Variants in TRIM62 observed in about 807,000 individuals in gnomAD.
TRIM62 encodes the protein tripartite motif containing 62, also known as E3 ubiquitin-protein ligase TRIM62.
TRIM62 carries 39 observed loss-of-function variants against 44.2 expected under a neutral mutation model. That is an observed-to-expected ratio of 0.88 (90% confidence interval 0.68 to 1.15). The LOEUF (loss-of-function observed/expected upper bound fraction) is 1.15. Among genes scored for constraint, TRIM62 ranks in the 50% most tolerant of loss-of-function variants. The pLI is 0.00. For synonymous variants in TRIM62, 278 were observed against 292.3 expected, an observed-to-expected ratio of 0.95 and a Z score of 0.50; for missense variants, 544 against 665.5, an observed-to-expected ratio of 0.82 and a Z score of 2.01.
Position 33,177,571 on chromosome 1 carries a change from G to A in TRIM62, c.408+3454C>T, listed in dbSNP as rs145604988. On this transcript the variant is annotated intron_variant, in intron 1 of 4. Coordinates refer to ENST00000291416, the MANE Select transcript of TRIM62 (RefSeq NM_018207.3). This position sits in a 1 kb window ranked among gnomAD's most constrained non-coding sequence, Gnocchi z 4.1. ...ATTTGACCTGAAGTTTTAAAGTTCA[G>A]TGGGACTTTTCTAGGTCAGGTTTCT... 2.0e-5 allele frequency among the ~76,000 whole-genome samples: 3 copies of A among 152,322 alleles called. No individual in the cohort carries two copies. The highest frequency in any genetic ancestry group is 3.9e-4 in the East Asian group (2 of 5,182).
At chr1:33,149,454 C>CT (rs200172029) in intron 4 of TRIM62, among the ~76,000 whole-genome samples, 6 of 134,836 alleles carry the variant, frequency 4.4e-5, no homozygotes, top group South Asian at 2.6e-4. Context: ...GTGCTGGATT[C>CT]TTTTAAAAAA....
In TRIM62 at chr1:33,161,037, C is replaced by T. The variant is rs964475269; in HGVS notation, c.505-1093G>A. ...TCTAGCTCTGGGTCTCTAGCTATGG[C>T]AACGTCAGTTGCCTAAGAGCTGTGA... On this transcript the variant is annotated intron_variant, in intron 2 of 4. Transcript: ENST00000291416. The surrounding 1 kb of genome is among the most constrained non-coding windows in gnomAD (Gnocchi z 4.3). Among the ~76,000 whole-genome samples the T allele has an allele frequency of 4.6e-5, 7 of 152,238 alleles. No individual in the cohort carries two copies. Among genetic ancestry groups the T allele is most frequent in the African/African-American group, 1.7e-4 (7 of 41,452 alleles).
rs1024586230 is a variant in TRIM62, at chr1:33,159,401, C to T, written c.761+287G>A. Among the ~76,000 whole-genome samples the T allele has an allele frequency of 1.3e-5, 2 of 152,152 alleles. No homozygotes were observed. Among genetic ancestry groups the T allele is most frequent in the African/African-American group, 4.8e-5 (2 of 41,430 alleles). Reference sequence around the variant, plus strand: ...TGAAGTCTTTATTCCCAGATCCTTTCTCTCCTGCACCCCTAGAGCCAAGAC... The same window carrying T: ...TGAAGTCTTTATTCCCAGATCCTTTTTCTCCTGCACCCCTAGAGCCAAGAC... On this transcript the variant is annotated intron_variant, in intron 3 of 4. Coordinates refer to ENST00000291416, the MANE Select transcript of TRIM62 (RefSeq NM_018207.3). The surrounding 1 kb of genome is among the most constrained non-coding windows in gnomAD (Gnocchi z 4.2).
Position 33,147,165 on chromosome 1 carries a change from C to T in TRIM62, c.*12G>A, listed in dbSNP as rs1645030842. The T allele has an allele frequency of 3.1e-6, 5 of 1,611,130 alleles. No homozygotes were observed. The South Asian group carries it at 4.4e-5, about 14-fold the overall frequency. The stretch of plus-strand genomic sequence containing the variant: ...AGTGGTCCCAGGAGGTTGTGGTCTC[C>T]TTCTGCCTGGACTAGATGCGGACGG... On this transcript the variant is annotated 3_prime_UTR_variant, in exon 5 of 5. Transcript: ENST00000291416. This position sits in a 1 kb window ranked among gnomAD's most constrained non-coding sequence, Gnocchi z 8.1.
chr1:33,161,084 A>G lies in TRIM62; in HGVS notation c.505-1140T>C, dbSNP rs1452861475. 1.3e-5 allele frequency among the ~76,000 whole-genome samples: 2 copies of G among 152,228 alleles called. No individual in the cohort carries two copies. The highest frequency in any genetic ancestry group is 1.5e-5 in the Non-Finnish European group (1 of 68,028). ...GTGAACCTTAGTTTTCTTATCTGTG[A>G]AAGGAGTAACAAAAACTGCATTGTA... On this transcript the variant is annotated intron_variant, in intron 2 of 4. Coordinates refer to ENST00000291416, the MANE Select transcript of TRIM62 (RefSeq NM_018207.3). This position sits in a 1 kb window ranked among gnomAD's most constrained non-coding sequence, Gnocchi z 4.3.
At chr1:33,150,634 A>C (rs1210030364) in intron 4 of TRIM62, among the ~76,000 whole-genome samples, 2 of 152,180 alleles carry the variant, frequency 1.3e-5, no homozygotes, top group Admixed American at 6.5e-5. Flanking sequence ...TGGTGGCTGG[A>C]TGTTTCACCC....
intron 1 of TRIM62, 52 bp downstream of exon 1, chr1:33,180,973 C>G: frequency 4.7e-5 from 21 of 451,450 alleles, no homozygotes; most frequent in Non-Finnish European, 8.4e-5. Context: ...CCCCGCCCGG[C>G]CCCACCTCCA....
chr1:33,169,328 C>T (rs1462930458), intron 1 of TRIM62, among the ~76,000 whole-genome samples: 2 of 152,198 alleles, frequency 1.3e-5, no homozygotes, highest in Non-Finnish European at 2.9e-5. Context: ...TTCCTACCGC[C>T]TCCAAACCAA....
In TRIM62 at chr1:33,159,724, T is replaced by G; in HGVS notation, c.725A>C (p.His242Pro). The G allele has an allele frequency of 6.2e-7, 1 of 1,611,626 alleles. No homozygotes were observed. Residue 242 changes from histidine (H) to proline (P), a missense_variant, in exon 3 of 5, where the codon CAC becomes CCC. By Grantham distance (77) the His-to-Pro change is moderately conservative (BLOSUM62 -2). Coordinates refer to ENST00000291416, the MANE Select transcript of TRIM62 (RefSeq NM_018207.3). This position sits in a 1 kb window ranked among gnomAD's most constrained non-coding sequence, Gnocchi z 4.2. ...TGAGGCCACCCCAGCCAGGAAGGTGTGCCGGTCGGTTTCAGCCAGCCGCTC... is the reference window on the plus strand; with the variant it reads ...TGAGGCCACCCCAGCCAGGAAGGTGGGCCGGTCGGTTTCAGCCAGCCGCTC... ...LQERLAETDR[H>P]TFLAGVASLS...
At chr1:33,174,787 C>A (rs1246405629) in intron 1 of TRIM62, among the ~76,000 whole-genome samples, 1 of 152,012 alleles carries the variant, frequency 6.6e-6, no homozygotes, top group African/African-American at 2.4e-5. Context: ...AGTTTATGGG[C>A]CTATCTTTCG....
Position 33,146,539 on chromosome 1 carries a change from A to T in TRIM62, c.*638T>A, listed in dbSNP as rs1269320520. On this transcript the variant is annotated 3_prime_UTR_variant, in exon 5 of 5. Transcript: ENST00000291416. ...GTGGGCAGGAAGGTGGTGGCACATG[A>T]CTATAATGTGTGGACTCAACTACCA... 6.3e-6 allele frequency: 1 copy of T among 159,608 alleles called. No homozygotes were observed. The highest frequency in any genetic ancestry group is 2.4e-5 in the African/African-American group (1 of 41,478). 9.9% of individuals were successfully genotyped at this position (159,608 alleles called of 1,614,324 possible).
chr1:33,155,216 C>T (rs1338128116), intron 4 of TRIM62, among the ~76,000 whole-genome samples: 2 of 151,574 alleles, frequency 1.3e-5, no homozygotes, highest in African/African-American at 2.4e-5. Context: ...GGATTACAGG[C>T]GTGTACCACC....
At chr1:33,175,398 T>C (rs549186407) in intron 1 of TRIM62, among the ~76,000 whole-genome samples, 23 of 152,240 alleles carry the variant, frequency 1.5e-4, no homozygotes, top group African/African-American at 5.3e-4. Context: ...CAAATCTGCC[T>C]CATCCCTCTG....
rs1047958027 is a variant in TRIM62, at chr1:33,167,187, G to A, written c.409-1621C>T. 3.3e-5 allele frequency among the ~76,000 whole-genome samples: 5 copies of A among 152,090 alleles called. No homozygotes were observed. The highest frequency in any genetic ancestry group is 7.2e-5 in the African/African-American group (3 of 41,408). On this transcript the variant is annotated intron_variant, in intron 1 of 4. Transcript: ENST00000291416. This position sits in a 1 kb window ranked among gnomAD's most constrained non-coding sequence, Gnocchi z 4.2. ...CCTCCTTGAAGAGTCTTGCCTGACCGCCCCACGCACAGTGGCACCTCCTCA... is the reference window on the plus strand; with the variant it reads ...CCTCCTTGAAGAGTCTTGCCTGACCACCCCACGCACAGTGGCACCTCCTCA...
In TRIM62 at chr1:33,145,710, A is replaced by C; in HGVS notation, c.*1467T>G. ...ACATTTAGGCTCAGTCTTGCAGCCC[A>C]CTCCTCCAGTTCCCACCTCTGGGCA... is the stretch of plus-strand genomic sequence containing the variant. On this transcript the variant is annotated 3_prime_UTR_variant, in exon 5 of 5. Coordinates refer to ENST00000291416, the MANE Select transcript of TRIM62 (RefSeq NM_018207.3). 2.8e-6 allele frequency: 1 copy of C among 363,198 alleles called. No homozygotes were observed. The highest frequency in any genetic ancestry group is 5.6e-6 in the Non-Finnish European group (1 of 179,500). The allele number at this position is 363,198 out of a possible 1,614,324, so 22.5% of individuals were successfully genotyped here.
intron 4 of TRIM62, among the ~76,000 whole-genome samples, chr1:33,149,303 C>G (rs942675400): frequency 3.9e-5 from 6 of 152,168 alleles, no homozygotes; most frequent in African/African-American, 1.4e-4. Context: ...TAGGCACGCG[C>G]CACCACGCCT....
intron 4 of TRIM62, among the ~76,000 whole-genome samples, chr1:33,151,668 A>G (rs1417081663): frequency 1.3e-5 from 2 of 152,172 alleles, no homozygotes; most frequent in Non-Finnish European, 2.9e-5. Context: ...GGACACCAAG[A>G]TTTATAAAAA....
chr1:33,162,665 C>A (rs578154791), intron 2 of TRIM62, among the ~76,000 whole-genome samples: 11 of 152,148 alleles, frequency 7.2e-5, no homozygotes, highest in Non-Finnish European at 1.6e-4. Flanking sequence ...GTTTCAATGT[C>A]TCAAGGACGA....
At chr1:33,150,488 CCT>C (rs1645081429) in intron 4 of TRIM62, among the ~76,000 whole-genome samples, 1 of 152,208 alleles carries the variant, frequency 6.6e-6, no homozygotes, top group Non-Finnish European at 1.5e-5. Context: ...TGCATTTTAC[CCT>C]CTTTGTTTCT....
Sources: gnomAD v4.1 joint callset for allele counts (sites outside exome capture counted in the v4.1 genomes callset) on GRCh38, gnomAD v4.1.1 for gene constraint, Gnocchi (gnomAD v3.1) non-coding constraint, MANE v1.5 for transcripts, NCBI Gene and HGNC (gene_info 2026-07-23, HGNC 2026-07-21) for gene names.